The following VWA3B variants were observed in gnomAD, a reference collection of about 807,000 sequenced individuals.
VWA3B encodes the protein von Willebrand factor A domain-containing protein 3B.
A neutral mutation model predicts 158.3 loss-of-function variants in VWA3B; 138 were observed. That is an observed-to-expected ratio of 0.87 (90% CI 0.76 to 1.00). VWA3B has a LOEUF of 1.00. VWA3B is among the 50% of genes least tolerant of loss of function. The pLI, the probability that VWA3B is intolerant of heterozygous loss-of-function variation, is 0.00. For missense variants in VWA3B, 1,555 were observed against 1,565.1 expected, an observed-to-expected ratio of 0.99 and a Z score of 0.11; for synonymous variants, 596 against 587.3, an observed-to-expected ratio of 1.01 and a Z score of -0.21.
At chr2:98,158,390 G>A (rs1395226424) in intron 7 of VWA3B, among the ~76,000 whole-genome samples, 2 of 152,196 alleles carry the variant, frequency 1.3e-5, no homozygotes, top group African/African-American at 4.8e-5. Flanking sequence ...GCAGGCTGGG[G>A]ACATGTTGCT....
intron 19 of VWA3B, among the ~76,000 whole-genome samples, chr2:98,238,215 C>CTG (rs1685830498): frequency 6.6e-6 from 1 of 152,102 alleles, no homozygotes; most frequent in Non-Finnish European, 1.5e-5. Context: ...CCTCCGGAGG[C>CTG]TGTGTGTGTG....
chr2:98,229,926 G>A lies in VWA3B; in HGVS notation c.2151-124G>A. ...CTATTTTTATATTAACCCAGATGGGGGAAGGCTTACTTTTTAAAGTTTGCA... is the reference window on the plus strand; with the variant it reads ...CTATTTTTATATTAACCCAGATGGGAGAAGGCTTACTTTTTAAAGTTTGCA... On this transcript the variant is annotated intron_variant, in intron 15 of 27. Transcript: ENST00000477737. 5.5e-6 allele frequency: 6 copies of A among 1,084,194 alleles called. No individual in the cohort carries two copies. The South Asian group carries it at 7.8e-5, about 14-fold the overall frequency. 67.2% of individuals were successfully genotyped at this position (1,084,194 alleles called of 1,614,324 possible).
At chr2:98,317,593 C>G (rs1356107348), downstream of VWA3B, among the ~76,000 whole-genome samples, 1 of 152,206 alleles carries the variant, frequency 6.6e-6, no homozygotes, top group African/African-American at 2.4e-5. Flanking sequence ...CATTCCCTTC[C>G]CTTGATAATA....
intron 4 of VWA3B, 126 bp from the exon 5 acceptor site, chr2:98,121,173 A>ATTC (rs1674927987): frequency 1.6e-6 from 2 of 1,221,092 alleles, no homozygotes; most frequent in South Asian, 3.3e-5. Context: ...GGGAGCTATG[A>ATTC]TTTCTTTCTT....
At chr2:98,236,764 C>T (rs374387498) in intron 19 of VWA3B, 34 bp downstream of exon 19, 8 of 1,567,170 alleles carry the variant, frequency 5.1e-6, no homozygotes, top group Non-Finnish European at 4.3e-6. Context: ...CTACTTGAGG[C>T]CATTTTCATT....
intron 3 of VWA3B, among the ~76,000 whole-genome samples, chr2:98,119,163 A>G (rs955750005): frequency 1.3e-5 from 2 of 152,228 alleles, no homozygotes; most frequent in African/African-American, 4.8e-5. Flanking sequence ...TTTTAGTGAG[A>G]CATTATTTTC....
intron 8 of VWA3B, among the ~76,000 whole-genome samples, chr2:98,165,956 G>C (rs1259772991): frequency 6.6e-6 from 1 of 152,186 alleles, no homozygotes; most frequent in African/African-American, 2.4e-5. Flanking sequence ...ATTTGTTTCG[G>C]GGAGTGTGTG....
At chr2:98,250,650 T>A (rs1386941094) in intron 20 of VWA3B, among the ~76,000 whole-genome samples, 1 of 151,912 alleles carries the variant, frequency 6.6e-6, no homozygotes, top group Non-Finnish European at 1.5e-5. Context: ...AAGACCAGAC[T>A]GGGCAACAAT....
At chr2:98,087,838 T>G (rs1010782408) in intron 1 of VWA3B, among the ~76,000 whole-genome samples, 4 of 152,352 alleles carry the variant, frequency 2.6e-5, no homozygotes, top group African/African-American at 9.6e-5. Flanking sequence ...CCTCCTTATA[T>G]GGAAATAAGA....
chr2:98,145,760 C>T (rs1247825606), intron 7 of VWA3B, among the ~76,000 whole-genome samples: 1 of 151,698 alleles, frequency 6.6e-6, no homozygotes, highest in Non-Finnish European at 1.5e-5. Context: ...CACTCTGTTG[C>T]CTAGGCTGGA....
chr2:98,266,162 G>A (rs1366726422), intron 21 of VWA3B, among the ~76,000 whole-genome samples: 1 of 150,052 alleles, frequency 6.7e-6, no homozygotes, highest in African/African-American at 2.4e-5. Flanking sequence ...TTCTTCTAGG[G>A]TTTTTATGGT....
rs1299336855 is a variant in VWA3B, at chr2:98,194,427, G to A, written c.1672G>A (p.Glu558Lys). 2 of 1,614,098 alleles carry A rather than the reference G, an allele frequency of 1.2e-6. No homozygotes were observed. Among genetic ancestry groups the A allele is most frequent in the South Asian group, 2.2e-5 (2 of 91,076 alleles). The change falls in exon 12 of 28, where the codon GAA becomes AAA. Residue 558 changes from glutamate to lysine, a missense_variant. Transcript: ENST00000477737. The part of the protein sequence containing the change: ...KFDGQAVAWR[E>K]QLAEVNEDNL... ...TGATGGTCAAGCAGTTGCTTGGCGG[G>A]AACAACTTGCTGAAGTCAATGAAGA...
Position 98,218,011 on chromosome 2 carries a change from C to G in VWA3B, c.2002C>G (p.Pro668Ala), listed in dbSNP as rs760144731. The stretch of plus-strand genomic sequence containing the variant: ...TAATTTTGGTTGCAAGGATCCCACT[C>G]CCCCAGAGGCTGTTCAGGTAAGAGC... ...FYNFGCKDPTPPEAVQNEDLT... is the reference protein window; with the variant it reads ...FYNFGCKDPTAPEAVQNEDLT... The change falls in exon 14 of 28, where the codon CCC becomes GCC. Residue 668 changes from proline to alanine, a missense_variant. By Grantham distance (27) the Pro-to-Ala change is conservative. Coordinates refer to ENST00000477737, the MANE Select transcript of VWA3B (RefSeq NM_144992.5). 4.4e-6 allele frequency: 7 copies of G among 1,608,698 alleles called. No homozygotes were observed. Among genetic ancestry groups the G allele is most frequent in the African/African-American group, 4.0e-5 (3 of 74,552 alleles).
chr2:98,157,429 CATATA>C (rs1171764783), intron 7 of VWA3B, among the ~76,000 whole-genome samples: 2 of 152,170 alleles, frequency 1.3e-5, no homozygotes, highest in African/African-American at 2.4e-5. Context: ...AACATCTTAA[CATATA>C]ATATAATAGA....
chr2:98,302,600 G>A (rs1690266468), intron 25 of VWA3B, among the ~76,000 whole-genome samples: 1 of 152,158 alleles, frequency 6.6e-6, no homozygotes, highest in African/African-American at 2.4e-5. Flanking sequence ...ACACAGAGTG[G>A]ACCCTTGGAT....
chr2:98,156,056 A>G lies in VWA3B; in HGVS notation c.989-6795A>G, dbSNP rs77858200. ...GAATGAGTCTGGGGTGGGGCCTAGG[A>G]ATCTGCACTGACAAGCATTTCAGGG... is the stretch of plus-strand genomic sequence containing the variant. On this transcript the variant is annotated intron_variant, in intron 7 of 27. Transcript: ENST00000477737. Among the ~76,000 whole-genome samples the G allele has an allele frequency of 3.3e-3, 495 of 152,296 alleles. 3 individuals carry two copies. The highest frequency in any genetic ancestry group is 0.011 in the African/African-American group (471 of 41,556).
intron 7 of VWA3B, among the ~76,000 whole-genome samples, chr2:98,158,881 A>G (rs890041567): frequency 1.3e-5 from 2 of 152,130 alleles, no homozygotes; most frequent in African/African-American, 4.8e-5. Flanking sequence ...CCTGACCTCA[A>G]TGCCAGCCCA....
At chr2:98,325,270 C>T in the VWA3B span, among the ~76,000 whole-genome samples, 9 of 152,246 alleles carry the variant, frequency 5.9e-5, no homozygotes, top group South Asian at 4.2e-4. Context: ...ATCTTGACAG[C>T]TGCCAGAATA....
At chr2:98,135,882 C>T (rs1676245923) in intron 7 of VWA3B, among the ~76,000 whole-genome samples, 1 of 152,190 alleles carries the variant, frequency 6.6e-6, no homozygotes, top group Non-Finnish European at 1.5e-5. Flanking sequence ...GCCTCAGAGG[C>T]AGGTTTCTTC....
Sources: allele counts gnomAD v4.1 joint callset (sites outside exome capture counted in the v4.1 genomes callset), GRCh38; gene constraint gnomAD v4.1.1; transcripts MANE v1.5; gene names NCBI Gene and HGNC (gene_info 2026-07-23, HGNC 2026-07-21).